CYP3A43: variants seen among roughly 807,000 people sequenced by gnomAD.
CYP3A43 encodes cytochrome P450 3A43.
A neutral mutation model predicts 58.0 loss-of-function variants in CYP3A43; 45 were observed. The ratio of observed to expected loss-of-function variants is 0.78; its 90% CI spans 0.61 to 0.99. The LOEUF (loss-of-function observed/expected upper bound fraction) is 0.99. CYP3A43 is among the 50% of genes least tolerant of loss of function. The pLI is 0.00. For synonymous variants in CYP3A43, 191 were observed against 201.4 expected (o/e 0.95, Z 0.44); for missense variants, 593 against 591.9 (o/e 1.00, Z -0.02).
chr7:99,837,318 C>CAAA (rs35566033), intron 2 of CYP3A43, among the ~76,000 whole-genome samples: 6,196 of 66,548 alleles, frequency 0.093, 392 homozygotes, highest in African/African-American at 0.15. Flanking sequence ...GACTGTGTCT[C>CAAA]AAAAAAAAAA....
rs45621431 is a variant in CYP3A43 at position 99,856,859 on chromosome 7, G to C, written c.825G>C (p.Met275Ile). The C allele has an allele frequency of 5.6e-6, 9 of 1,613,910 alleles. No homozygotes were observed. The East Asian group carries it at 2.0e-4, about 36-fold the overall frequency. Residue 275 changes from methionine (M) to isoleucine (I), a missense_variant, in exon 9 of 13, where the codon ATG becomes ATC. Coordinates refer to ENST00000354829, the MANE Select transcript of CYP3A43 (RefSeq NM_057095.3). ...QKHRVDFFQQ[M>I]IDSQNSKETK... ...ATCGAGTAGATTTCTTTCAACAGAT[G>C]ATCGACTCCCAGAATTCCAAAGAAA...
At chr7:99,841,218 A>G (rs1817317273) in intron 3 of CYP3A43, among the ~76,000 whole-genome samples, 1 of 152,056 alleles carries the variant, frequency 6.6e-6, no homozygotes, top group South Asian at 2.1e-4. Context: ...TCTTGACCCT[A>G]TGTAAATTGT....
intron 4 of CYP3A43, 31 bp from the exon 5 acceptor site, chr7:99,847,457 T>C (rs765615547): frequency 2.5e-6 from 4 of 1,604,108 alleles, no homozygotes; most frequent in Admixed American, 3.4e-5. Context: ...AAAACTTACG[T>C]AGGACAAACT....
intron 1 of CYP3A43, among the ~76,000 whole-genome samples, chr7:99,832,353 G>A (rs1327083402): frequency 6.6e-6 from 1 of 151,930 alleles, no homozygotes; most frequent in African/African-American, 2.4e-5. Context: ...CTGGTGGGAG[G>A]AATTGGATCA....
chr7:99,857,215 C>T (rs1386971865), intron 9 of CYP3A43, among the ~76,000 whole-genome samples: 1 of 152,116 alleles, frequency 6.6e-6, no homozygotes, highest in African/African-American at 2.4e-5. Context: ...AACTTGGAAA[C>T]GTACATCTAA....
intron 3 of CYP3A43, among the ~76,000 whole-genome samples, chr7:99,843,802 G>A (rs1461890909): frequency 6.6e-6 from 1 of 152,096 alleles, no homozygotes; most frequent in East Asian, 1.9e-4. Context: ...AAAGATTATG[G>A]AGAATGGTAT....
chr7:99,844,343 C>A, intron 4 of CYP3A43, 101 bp downstream of exon 4: 1 of 1,103,650 alleles, frequency 9.1e-7, no homozygotes, highest in Admixed American at 2.3e-5. Flanking sequence ...GTGCTTTATA[C>A]TTCGTCCTAT....
At chr7:99,836,398 C>A in intron 1 of CYP3A43, 55 bp from the exon 2 acceptor site, 2 of 1,455,512 alleles carry the variant, frequency 1.4e-6, no homozygotes, top group African/African-American at 2.8e-5. Flanking sequence ...TCTGGCCAAC[C>A]CCTTATCTAT....
At chr7:99,865,720 G>C (rs1818417925) in intron 12 of CYP3A43, among the ~76,000 whole-genome samples, 186 bp from the exon 13 acceptor site, 1 of 148,726 alleles carries the variant, frequency 6.7e-6, no homozygotes, top group Admixed American at 6.6e-5. Flanking sequence ...AATGGTAAAT[G>C]CTTTCACTAT....
rs568218999 is a variant in CYP3A43, at chr7:99,848,126, C to G, written c.433-40C>G. ...GGCAAAGCCATGTCCTTCTGAGACT[C>G]GAGTCTGCGTAGTTAACTATGGGTG... On this transcript the variant is annotated intron_variant, in intron 5 of 12. Coordinates refer to ENST00000354829, the MANE Select transcript of CYP3A43 (RefSeq NM_057095.3). The G allele has an allele frequency of 4.4e-6, 7 of 1,595,634 alleles. No homozygotes were observed. In the East Asian group the frequency reaches 1.1e-4, roughly 25 times the overall value.
At chr7:99,860,847 A>G (rs1450278084) in intron 10 of CYP3A43, among the ~76,000 whole-genome samples, 1 of 151,974 alleles carries the variant, frequency 6.6e-6, no homozygotes, top group Non-Finnish European at 1.5e-5. Context: ...CAAACTATTT[A>G]TAGGGTTTTT....
At chr7:99,860,491 T>C (rs17161977) in intron 10 of CYP3A43, among the ~76,000 whole-genome samples, 9,693 of 152,216 alleles carry the variant, frequency 0.064, 972 homozygotes, top group African/African-American at 0.21. Flanking sequence ...GGGCCAAACA[T>C]TTAACCTCTA....
chr7:99,844,147 T>C lies in CYP3A43; in HGVS notation c.223T>C (p.Tyr75His), dbSNP rs376007798. ...NEKYGEMWGL[Y>H]EGQQPMLVIM... The stretch of plus-strand genomic sequence containing the variant: ...GCTCTGTTTTCCCCCACACAGGCTG[T>C]ATGAGGGGCAACAGCCCATGCTGGT... Residue 75 changes from tyrosine (Y) to histidine (H), a missense_variant, in exon 4 of 13, where the codon TAT (tyrosine) becomes CAT (histidine). Transcript: ENST00000354829. 140 of 1,613,318 alleles carry C rather than the reference T, an allele frequency of 8.7e-5. No individual in the cohort carries two copies. Among genetic ancestry groups the C allele is most frequent in the South Asian group, 1.5e-4 (14 of 90,804 alleles).
chr7:99,839,460 GTCATAC>G, intron 3 of CYP3A43: 1 of 608,646 alleles, frequency 1.6e-6, no homozygotes, highest in Non-Finnish European at 3.1e-6. Flanking sequence ...TGAGAATTAA[GTCATAC>G]CTTACTGCCT....
At chr7:99,849,041 T>C (rs1464916533) in intron 6 of CYP3A43, among the ~76,000 whole-genome samples, 1 of 152,162 alleles carries the variant, frequency 6.6e-6, no homozygotes, top group African/African-American at 2.4e-5. Context: ...AGGAGGCTTA[T>C]CAGGGAGTGC....
chr7:99,848,254 A>C lies in CYP3A43; in HGVS notation c.521A>C (p.Asp174Ala). ...AENSKSINLK[D>A]FFGAYTMDVI... ...AACAGCAAGTCCATCAACTTGAAAG[A>C]GTAAGTAGCACAGTCTTGAGGTTCT... Residue 174 changes from aspartate (D) to alanine (A), a missense_variant and splice_region_variant, in exon 6 of 13, where the codon GAT becomes GCT. Asp to Ala is a moderately radical substitution (Grantham distance 126). Coordinates refer to ENST00000354829, the MANE Select transcript of CYP3A43 (RefSeq NM_057095.3). The C allele has an allele frequency of 6.2e-7, 1 of 1,613,988 alleles. No homozygotes were observed.
chr7:99,845,860 C>T (rs1008916014), intron 4 of CYP3A43, among the ~76,000 whole-genome samples: 2 of 151,858 alleles, frequency 1.3e-5, no homozygotes, highest in African/African-American at 4.8e-5. Context: ...ACTCTAGCCT[C>T]TGCCTCCCTG....
At chr7:99,856,213 A>G (rs1378418214) in intron 8 of CYP3A43, among the ~76,000 whole-genome samples, 1 of 152,184 alleles carries the variant, frequency 6.6e-6, no homozygotes, top group African/African-American at 2.4e-5. Context: ...CAGTCCTGTC[A>G]TAGCCTGGAC....
intron 2 of CYP3A43, among the ~76,000 whole-genome samples, 180 bp downstream of exon 2, chr7:99,836,726 G>A (rs1212930735): frequency 6.6e-6 from 1 of 152,160 alleles, no homozygotes; most frequent in Non-Finnish European, 1.5e-5. Flanking sequence ...TTAATGGTCA[G>A]GGGGTTTGGG....
Sources: gnomAD v4.1 joint callset for allele counts (sites outside exome capture counted in the v4.1 genomes callset) on GRCh38, gnomAD v4.1.1 for gene constraint, MANE v1.5 for transcripts, NCBI Gene and HGNC (gene_info 2026-07-23, HGNC 2026-07-21) for gene names.